Variants in ITPR3 observed in about 807,000 individuals in gnomAD.
ITPR3 encodes the protein inositol 1,4,5-trisphosphate-gated calcium channel ITPR3.
A neutral mutation model predicts 293.2 loss-of-function variants in ITPR3; 173 were observed. The ratio of observed to expected loss-of-function variants is 0.59; its 90% confidence interval spans 0.52 to 0.67. The LOEUF (loss-of-function observed/expected upper bound fraction) is 0.67, where lower values mean the gene tolerates loss of function less well. ITPR3 is among the 30% of genes least tolerant of loss of function. The pLI is 0.00. For missense variants in ITPR3, 2,796 were observed against 3,592.1 expected, an observed-to-expected ratio of 0.78 and a Z score of 5.66; for synonymous variants, 1,295 against 1,444.4, an observed-to-expected ratio of 0.90 and a Z score of 2.35.
intron 33 of ITPR3, among the ~76,000 whole-genome samples, chr6:33,681,006 A>C (rs1330067583): frequency 6.6e-6 from 1 of 151,988 alleles, no homozygotes; most frequent in Non-Finnish European, 1.5e-5. Context: ...TTTTTAGTAG[A>C]GACAGGGTTT....
chr6:33,674,643 C>A (rs762118684), intron 24 of ITPR3, among the ~76,000 whole-genome samples: 1 of 152,224 alleles, frequency 6.6e-6, no homozygotes, highest in Non-Finnish European at 1.5e-5. Flanking sequence ...TCACTGGGGG[C>A]TTTTAGCATC....
rs1471772138 is a variant in ITPR3 at position 33,670,784 on chromosome 6, CCAA to C, written c.2557_2559del (p.Asn853del). The C allele has an allele frequency of 6.2e-7, 1 of 1,613,910 alleles. No homozygotes were observed. Among genetic ancestry groups the C allele is most frequent in the Non-Finnish European group, 8.5e-7 (1 of 1,180,034 alleles). On this transcript the variant is annotated inframe_deletion, in exon 20 of 58. Transcript: ENST00000605930. This position sits in a 1 kb window ranked among gnomAD's most constrained non-coding sequence, Gnocchi z 6.7. ...GTAGTCAGCGAGGCCGTGCCCTTTG[CCAA>C]CGAGGAGAAGAACAAGCTCACTTTT...
chr6:33,678,599 G>A (rs752442974), intron 29 of ITPR3, 40 bp from the exon 30 acceptor site: 65 of 1,579,290 alleles, frequency 4.1e-5, no homozygotes, highest in Non-Finnish European at 5.4e-5. Context: ...GGGTGGGGGC[G>A]GGGCCCAGAT....
rs140350028 is a variant in ITPR3, at chr6:33,664,270, G to T, written c.1148+390G>T. Among the ~76,000 whole-genome samples, 1 of 152,036 alleles carries T rather than the reference G, an allele frequency of 6.6e-6. No homozygotes were observed. Among genetic ancestry groups the T allele is most frequent in the African/African-American group, 2.4e-5 (1 of 41,390 alleles). On this transcript the variant is annotated intron_variant, in intron 11 of 57. Transcript: ENST00000605930. This position sits in a 1 kb window ranked among gnomAD's most constrained non-coding sequence, Gnocchi z 4.4. ...CTCAAGTGTCAGTACAGGCTTTGGC[G>T]TGTCCTTAGCTGTATGACCTCAGGC...
In ITPR3 at chr6:33,656,081, G is replaced by C. The variant is rs148246089; in HGVS notation, c.282+194G>C. Among the ~76,000 whole-genome samples, 27 of 152,178 alleles carry C rather than the reference G, an allele frequency of 1.8e-4. No homozygotes were observed. In the East Asian group the frequency reaches 5.2e-3, roughly 29 times the overall value. On this transcript the variant is annotated intron_variant, in intron 3 of 57. Coordinates refer to ENST00000605930, the MANE Select transcript of ITPR3 (RefSeq NM_002224.4). Reference sequence around the variant, plus strand: ...GGCCAAGGCAGGAGGATTGCTTGAGGCCAGGAGTTTGAGAGCAGCTTGGGC... The same window carrying C: ...GGCCAAGGCAGGAGGATTGCTTGAGCCCAGGAGTTTGAGAGCAGCTTGGGC...
At chr6:33,636,127 A>C (rs1296277405) in intron 1 of ITPR3, among the ~76,000 whole-genome samples, 1 of 56,252 alleles carries the variant, frequency 1.8e-5, no homozygotes, top group African/African-American at 3.4e-5. Flanking sequence ...TCTCTACAAA[A>C]AAAAAAAAAA....
chr6:33,647,107 C>T (rs1388238679), intron 2 of ITPR3, among the ~76,000 whole-genome samples: 2 of 152,066 alleles, frequency 1.3e-5, no homozygotes, highest in African/African-American at 4.8e-5. Context: ...CACTGCAACC[C>T]TGACCTCCTG....
intron 7 of ITPR3, among the ~76,000 whole-genome samples, chr6:33,660,323 GCCA>G (rs1764430235): frequency 6.6e-6 from 1 of 151,996 alleles, no homozygotes; most frequent in South Asian, 2.1e-4. Flanking sequence ...CCCGAGAGCA[GCCA>G]CCTAAGGAGT....
intron 2 of ITPR3, among the ~76,000 whole-genome samples, chr6:33,646,490 A>G (rs1222721504): frequency 1.3e-5 from 2 of 151,942 alleles, no homozygotes; most frequent in Non-Finnish European, 2.9e-5. Flanking sequence ...TTATAGAAAG[A>G]TAGCATTCTA....
chr6:33,673,353 C>T (rs138145335), intron 22 of ITPR3, among the ~76,000 whole-genome samples: 196 of 152,272 alleles, frequency 1.3e-3, no homozygotes, highest in African/African-American at 4.5e-3. Flanking sequence ...GGCCCTCATA[C>T]TCCATCACTG....
At chr6:33,678,602 G>GGGGGGGGGGGGGGGGGGGGGGGGGGC in intron 29 of ITPR3, 37 bp from the exon 30 acceptor site, 1 of 1,455,478 alleles carries the variant, frequency 6.9e-7, no homozygotes, top group Non-Finnish European at 9.5e-7. Flanking sequence ...TGGGGGCGGG[G>GGGGGGGGGGGGGGGGGGGGGGGGGGC]CCCAGATCTC....
chr6:33,688,858 GC>G, intron 49 of ITPR3, 77 bp downstream of exon 49: 1 of 1,594,222 alleles, frequency 6.3e-7, no homozygotes, highest in Non-Finnish European at 8.6e-7. Context: ...GAGCCTTGAG[GC>G]CAGCTGGCCT....
chr6:33,672,091 C>T lies in ITPR3; in HGVS notation c.2791C>T (p.Arg931Cys), dbSNP rs760213672. 1.2e-5 allele frequency: 20 copies of T among 1,613,710 alleles called. No homozygotes were observed. Among genetic ancestry groups the T allele is most frequent in the Admixed American group, 1.7e-5 (1 of 59,994 alleles). Residue 931 changes from arginine to cysteine, a missense_variant, in exon 22 of 58, where the codon CGC (arginine) becomes TGC (cysteine). Arg to Cys is a radical substitution (Grantham distance 180). This residue lies in a region of ITPR3 where 955 missense variants were observed against 1,180.8 expected (regional missense o/e 0.81). Coordinates refer to ENST00000605930, the MANE Select transcript of ITPR3 (RefSeq NM_002224.4). This position sits in a 1 kb window ranked among gnomAD's most constrained non-coding sequence, Gnocchi z 5.0. The part of the protein sequence containing the change: ...GHMMSTMVLS[R>C]KQSVFSAPSL... ...CATGATGTCCACCATGGTGCTGAGCCGCAAGCAGTCCGTCTTCAGTGCCCC... is the reference window on the plus strand; with the variant it reads ...CATGATGTCCACCATGGTGCTGAGCTGCAAGCAGTCCGTCTTCAGTGCCCC...
At chr6:33,673,304 G>A (rs1434786836) in intron 22 of ITPR3, among the ~76,000 whole-genome samples, 1 of 152,164 alleles carries the variant, frequency 6.6e-6, no homozygotes, top group Non-Finnish European at 1.5e-5. Flanking sequence ...GACTGAGTGG[G>A]CCGGGCGCAG....
At position 33,655,965 on chromosome 6, in the gene ITPR3, G is replaced by A. The variant is rs1439712676; in HGVS notation, c.282+78G>A. ...TACACAAGCAGCGGTGCTGCTTGTC[G>A]GAGCCAGTAGGGGCTCTGTGGCTGA... is the stretch of plus-strand genomic sequence containing the variant. On this transcript the variant is annotated intron_variant, in intron 3 of 57. Coordinates refer to ENST00000605930, the MANE Select transcript of ITPR3 (RefSeq NM_002224.4). This position sits in a 1 kb window ranked among gnomAD's most constrained non-coding sequence, Gnocchi z 4.9. The A allele has an allele frequency of 3.8e-6, 6 of 1,570,300 alleles. No homozygotes were observed. Among genetic ancestry groups the A allele is most frequent in the Middle Eastern group, 1.7e-4 (1 of 5,856 alleles).
chr6:33,680,715 C>T, intron 33 of ITPR3, 35 bp downstream of exon 33: 1 of 1,586,420 alleles, frequency 6.3e-7, no homozygotes. Flanking sequence ...CCAGGGCCGA[C>T]TTGCCTAGCT....
At chr6:33,642,623 A>G (rs1303443551) in intron 2 of ITPR3, among the ~76,000 whole-genome samples, 1 of 151,996 alleles carries the variant, frequency 6.6e-6, no homozygotes, top group African/African-American at 2.4e-5. Flanking sequence ...AGCAGAACAA[A>G]TGCGCCTTTG....
chr6:33,626,539 A>G (rs1763553968), intron 1 of ITPR3, among the ~76,000 whole-genome samples: 1 of 152,220 alleles, frequency 6.6e-6, no homozygotes, highest in African/African-American at 2.4e-5. Flanking sequence ...CCTGCCCCTC[A>G]GCCCAGAAGG....
At chr6:33,639,003 C>G (rs536169597) in intron 1 of ITPR3, among the ~76,000 whole-genome samples, 2 of 152,200 alleles carry the variant, frequency 1.3e-5, no homozygotes, top group South Asian at 2.1e-4. Context: ...GCTCCAGGGA[C>G]CTTGGGATCA....
Sources: gnomAD v4.1 joint callset for allele counts (sites outside exome capture counted in the v4.1 genomes callset) on GRCh38, gnomAD v4.1.1 for gene constraint, gnomAD v4.1.1 regional missense constraint, Gnocchi (gnomAD v3.1) non-coding constraint, MANE v1.5 for transcripts, NCBI Gene and HGNC (gene_info 2026-07-23, HGNC 2026-07-21) for gene names.